DPH6: variants seen among roughly 807,000 people sequenced by gnomAD.
The protein encoded by DPH6 is diphthine--ammonia ligase.
In DPH6, 33 loss-of-function variants were observed where a neutral mutation model predicts 38.2. The ratio of observed to expected loss-of-function variants is 0.86; its 90% CI spans 0.65 to 1.15. The LOEUF (loss-of-function observed/expected upper bound fraction) is 1.15. Ranked by LOEUF, DPH6 falls within the 50% of genes most tolerant of loss-of-function variation. The pLI is 0.00. For synonymous variants in DPH6, 108 were observed against 103.0 expected (o/e 1.05, Z -0.30); for missense variants, 325 against 320.0 (o/e 1.02, Z -0.12).
In DPH6 at chr15:35,493,544, A is replaced by T. The variant is rs111347564; in HGVS notation, c.313-38724T>A. The stretch of plus-strand genomic sequence containing the variant: ...TGAGGAAGTAGAATGGGACATTCAG[A>T]GATACCAGAATGGTCATTTCAGGCA... On this transcript the variant is annotated intron_variant, in intron 3 of 8. Coordinates refer to ENST00000256538, the MANE Select transcript of DPH6 (RefSeq NM_080650.4). Among the ~76,000 whole-genome samples the T allele has an allele frequency of 6.5e-3, 994 of 152,312 alleles. 18 individuals are homozygous for T. Among genetic ancestry groups the T allele is most frequent in the African/African-American group, 0.023 (957 of 41,588 alleles).
chr15:35,172,180 A>C, the DPH6 span, among the ~76,000 whole-genome samples: 1 of 152,140 alleles, frequency 6.6e-6, no homozygotes, highest in Non-Finnish European at 1.5e-5. Flanking sequence ...ATTTTACAAT[A>C]TTTTTAATAA....
chr15:35,179,195 C>G, the DPH6 span, among the ~76,000 whole-genome samples: 1 of 90,644 alleles, frequency 1.1e-5, no homozygotes, highest in South Asian at 4.1e-4. Flanking sequence ...AACAAGAGCA[C>G]AACTCTGTCA....
At chr15:35,288,258 T>C (rs1009783584) in intron 3 of DPH6, among the ~76,000 whole-genome samples, 5 of 152,148 alleles carry the variant, frequency 3.3e-5, no homozygotes, top group African/African-American at 7.2e-5. Context: ...AAATAAACTT[T>C]GCAGAAACAC....
intron 3 of DPH6, among the ~76,000 whole-genome samples, chr15:35,334,653 G>A (rs1364140373): frequency 3.3e-5 from 5 of 152,082 alleles, no homozygotes; most frequent in East Asian, 1.9e-4. Flanking sequence ...AGAACATGCA[G>A]TGTTTGGTTT....
intron 3 of DPH6, among the ~76,000 whole-genome samples, chr15:35,466,682 G>C (rs2054130417): frequency 6.6e-6 from 1 of 152,158 alleles, no homozygotes; most frequent in Non-Finnish European, 1.5e-5. Context: ...ACATCATAGA[G>C]TGTATTTATA....
At chr15:35,236,193 G>T (rs1207072285) in intron 3 of DPH6, among the ~76,000 whole-genome samples, 1 of 152,132 alleles carries the variant, frequency 6.6e-6, no homozygotes, top group Non-Finnish European at 1.5e-5. Flanking sequence ...TTGATATCTA[G>T]GTCCATATAA....
intron 3 of DPH6, among the ~76,000 whole-genome samples, chr15:35,361,056 T>C (rs1281518441): frequency 6.6e-6 from 1 of 152,134 alleles, no homozygotes; most frequent in Non-Finnish European, 1.5e-5. Flanking sequence ...ATTCCTCCCA[T>C]GTGCCCTGAC....
In DPH6 at chr15:35,240,585, G is replaced by A. The variant is rs1009034895; in HGVS notation, n.201-20003C>T. 2.0e-4 allele frequency among the ~76,000 whole-genome samples: 28 copies of A among 143,132 alleles called. 3 individuals are homozygous for A. The highest frequency in any genetic ancestry group is 3.7e-4 in the Non-Finnish European group (24 of 65,426). The allele number at this position is 143,132 out of a possible 152,430, so 93.9% of individuals were successfully genotyped here. ...TTCTGTGACTAGCCCTCCCCCACCTGCCCAGCAATTTACTCTTAAAAAGGT... is the reference window on the plus strand; with the variant it reads ...TTCTGTGACTAGCCCTCCCCCACCTACCCAGCAATTTACTCTTAAAAAGGT... On this transcript the variant is annotated intron_variant and non_coding_transcript_variant, in intron 3 of 3. Coordinates refer to the DPH6 transcript ENST00000560386.
chr15:35,381,777 C>T (rs1435894705), intron 7 of DPH6, 45 bp downstream of exon 7: 1 of 1,529,462 alleles, frequency 6.5e-7, no homozygotes, highest in Admixed American at 1.7e-5. Context: ...GCTTCCATCA[C>T]TTAAATTTAT....
intron 3 of DPH6, among the ~76,000 whole-genome samples, chr15:35,233,144 C>G (rs998644116): frequency 2.0e-5 from 3 of 151,884 alleles, no homozygotes; most frequent in African/African-American, 7.3e-5. Flanking sequence ...CCCGTCTCTA[C>G]TAAAAATAAA....
chr15:35,259,630 A>G (rs1479117768), intron 3 of DPH6, among the ~76,000 whole-genome samples: 1 of 152,232 alleles, frequency 6.6e-6, no homozygotes, highest in East Asian at 1.9e-4. Flanking sequence ...CACAATGTTT[A>G]CTACACAGAA....
At chr15:35,285,872 G>GTTTTTTTTTTATTTTTTTTTT (rs2051938669) in intron 3 of DPH6, among the ~76,000 whole-genome samples, 1 of 52,794 alleles carries the variant, frequency 1.9e-5, no homozygotes, top group Non-Finnish European at 3.3e-5. Context: ...TTATCTTTGA[G>GTTTTTTTTTTATTTTTTTTTT]TTTTTTTTTT....
chr15:35,498,323 G>C (rs1467832292), intron 3 of DPH6, among the ~76,000 whole-genome samples: 1 of 152,044 alleles, frequency 6.6e-6, no homozygotes, highest in Admixed American at 6.6e-5. Context: ...GCTTATACTG[G>C]TACTAGTTCT....
At chr15:35,523,580 T>G (rs1443487069) in intron 3 of DPH6, among the ~76,000 whole-genome samples, 1 of 152,092 alleles carries the variant, frequency 6.6e-6, no homozygotes, top group Non-Finnish European at 1.5e-5. Context: ...AAGCTACCTT[T>G]GCTTTCCATA....
intron 5 of DPH6, among the ~76,000 whole-genome samples, chr15:35,439,105 C>T (rs2053753093): frequency 2.6e-5 from 4 of 152,304 alleles, no homozygotes; most frequent in African/African-American, 7.2e-5. Flanking sequence ...TCTCACCTCA[C>T]GGTCAAACTG....
At chr15:35,246,782 C>T (rs761491690) in intron 3 of DPH6, among the ~76,000 whole-genome samples, 23 of 152,226 alleles carry the variant, frequency 1.5e-4, no homozygotes, top group Non-Finnish European at 3.1e-4. Flanking sequence ...GGAAGCTTAA[C>T]GAGGTGATAA....
chr15:35,286,311 G>A (rs1379954379), intron 3 of DPH6, among the ~76,000 whole-genome samples: 1 of 152,166 alleles, frequency 6.6e-6, no homozygotes, highest in African/African-American at 2.4e-5. Context: ...AATTCCTTTA[G>A]CTACCTCTTC....
intron 3 of DPH6, among the ~76,000 whole-genome samples, chr15:35,285,872 G>GTTTTTTTTTTTTTTTGTT (rs2051939211): frequency 1.9e-5 from 1 of 52,794 alleles, no homozygotes; most frequent in Non-Finnish European, 3.3e-5. Context: ...TTATCTTTGA[G>GTTTTTTTTTTTTTTTGTT]TTTTTTTTTT....
At chr15:35,413,033 A>T (rs890201044) in intron 5 of DPH6, among the ~76,000 whole-genome samples, 1 of 151,648 alleles carries the variant, frequency 6.6e-6, no homozygotes, top group Non-Finnish European at 1.5e-5. Flanking sequence ...TAACAAATGT[A>T]CAACTCTAGC....
Sources: gnomAD v4.1 joint callset for allele counts (sites outside exome capture counted in the v4.1 genomes callset) on GRCh38, gnomAD v4.1.1 for gene constraint, MANE v1.5 for transcripts, NCBI Gene and HGNC (gene_info 2026-07-23, HGNC 2026-07-21) for gene names.